Variants in SLIT3 observed in about 807,000 individuals in gnomAD.
SLIT3 encodes the protein slit guidance ligand 3, also known as slit homolog 3 protein.
Under a neutral mutation model 184.0 loss-of-function variants are expected in SLIT3, and 68 were observed. The observed-to-expected ratio is 0.37, with a 90% CI of 0.30 to 0.45. The LOEUF (loss-of-function observed/expected upper bound fraction) is 0.45. SLIT3 is among the 20% of genes least tolerant of loss of function. SLIT3 has a pLI of 1.00. For missense variants in SLIT3, 1,707 were observed against 2,026.0 expected (o/e 0.84, Z 3.02); for synonymous variants, 831 against 828.6 (o/e 1.00, Z -0.05).
At chr5:168,688,133 G>C (rs1439221711) in intron 29 of SLIT3, among the ~76,000 whole-genome samples, 2 of 152,232 alleles carry the variant, frequency 1.3e-5, no homozygotes, top group African/African-American at 4.8e-5. Context: ...GAGGGGCTGA[G>C]TCACAGAGGC....
In SLIT3 at chr5:168,740,205, A is replaced by T. The variant is rs909138277; in HGVS notation, c.2270+8097T>A. On this transcript the variant is annotated intron_variant, in intron 20 of 35. Transcript: ENST00000519560. ...AGAGGGCAACTGGTACTGTAGCCCT[A>T]CTTCAAAGAGCACTTGCAAGACTGA... 4.6e-5 allele frequency among the ~76,000 whole-genome samples: 7 copies of T among 152,308 alleles called. 1 individual carries two copies. The highest frequency in any genetic ancestry group is 1.7e-4 in the African/African-American group (7 of 41,574).
chr5:169,115,180 C>T (rs764702662), intron 4 of SLIT3, among the ~76,000 whole-genome samples: 10 of 152,180 alleles, frequency 6.6e-5, no homozygotes, highest in Non-Finnish European at 1.2e-4. Flanking sequence ...CCAAAACTTT[C>T]TCATCTCTGG....
chr5:168,874,565 G>A (rs1397574480), intron 5 of SLIT3, among the ~76,000 whole-genome samples: 2 of 152,170 alleles, frequency 1.3e-5, no homozygotes, highest in Admixed American at 1.3e-4. Context: ...AGGGAGGGGT[G>A]TTTTAGGAAA....
intron 6 of SLIT3, among the ~76,000 whole-genome samples, chr5:168,842,308 G>C (rs1875969): frequency 0.47 from 72,063 of 151,822 alleles, 17,693 homozygotes; most frequent in African/African-American, 0.58. Context: ...TTAAAACAAA[G>C]CTATTGATCT....
At chr5:169,180,070 A>C (rs1233918998) in intron 4 of SLIT3, among the ~76,000 whole-genome samples, 4 of 152,214 alleles carry the variant, frequency 2.6e-5, no homozygotes, top group Non-Finnish European at 5.9e-5. Context: ...ATCATCTTGT[A>C]GACAGTGACC....
At chr5:169,125,738 A>C (rs553372881) in intron 4 of SLIT3, among the ~76,000 whole-genome samples, 2 of 152,326 alleles carry the variant, frequency 1.3e-5, no homozygotes, top group South Asian at 4.1e-4. Context: ...GAGAGGGAGG[A>C]AAAGAACGTG....
intron 6 of SLIT3, among the ~76,000 whole-genome samples, chr5:168,835,661 A>G (rs907585459): frequency 6.6e-6 from 1 of 151,990 alleles, no homozygotes; most frequent in Non-Finnish European, 1.5e-5. Flanking sequence ...ATACAAAAAA[A>G]TTAGCCAGAC....
At chr5:168,929,227 C>T (rs2113155170) in intron 4 of SLIT3, among the ~76,000 whole-genome samples, 1 of 152,220 alleles carries the variant, frequency 6.6e-6, no homozygotes, top group South Asian at 2.1e-4. Context: ...AACCATTTTA[C>T]CCCCAAGTGT....
intron 4 of SLIT3, among the ~76,000 whole-genome samples, chr5:169,025,648 T>C (rs944824524): frequency 1.3e-5 from 2 of 152,200 alleles, no homozygotes; most frequent in Non-Finnish European, 2.9e-5. Flanking sequence ...TAACTCTCTT[T>C]TGTACAGAGA....
chr5:168,788,767 T>C (rs1214216344), intron 11 of SLIT3, among the ~76,000 whole-genome samples: 1 of 152,112 alleles, frequency 6.6e-6, no homozygotes, highest in African/African-American at 2.4e-5. Context: ...TGGTGAGGAC[T>C]AAACTTGACA....
At chr5:169,155,824 G>A (rs1484034325) in intron 4 of SLIT3, among the ~76,000 whole-genome samples, 1 of 152,186 alleles carries the variant, frequency 6.6e-6, no homozygotes, top group Non-Finnish European at 1.5e-5. Context: ...TGTGCACCCT[G>A]GTTAGAAGGA....
At chr5:168,834,924 G>C (rs1364865164) in intron 6 of SLIT3, among the ~76,000 whole-genome samples, 1 of 152,086 alleles carries the variant, frequency 6.6e-6, no homozygotes, top group Non-Finnish European at 1.5e-5. Context: ...TTCGCTCCCA[G>C]CTTGCACCGT....
At chr5:168,978,774 GTC>G (rs1229884655) in intron 4 of SLIT3, among the ~76,000 whole-genome samples, 1 of 152,178 alleles carries the variant, frequency 6.6e-6, no homozygotes. Context: ...CAGGTGATTA[GTC>G]TCTGTTAAGT....
At chr5:168,877,221 T>C (rs1299572942) in intron 5 of SLIT3, among the ~76,000 whole-genome samples, 2 of 151,860 alleles carry the variant, frequency 1.3e-5, no homozygotes, top group African/African-American at 4.8e-5. Context: ...TATGACTGGG[T>C]GATGGGATAG....
intron 1 of SLIT3, among the ~76,000 whole-genome samples, chr5:169,287,577 A>G (rs972083587): frequency 3.9e-5 from 6 of 152,104 alleles, no homozygotes; most frequent in African/African-American, 1.4e-4. Context: ...ATGGGTTGAG[A>G]TCAGTGGGGA....
At chr5:168,679,206 G>T (rs1034796519) in intron 32 of SLIT3, among the ~76,000 whole-genome samples, 1 of 152,102 alleles carries the variant, frequency 6.6e-6, no homozygotes, top group African/African-American at 2.4e-5. Flanking sequence ...CCATACATGT[G>T]CACTACTATG....
At chr5:168,907,979 T>TATAGAGAGAGAGAGAGAG (rs376418381) in intron 4 of SLIT3, among the ~76,000 whole-genome samples, 4 of 50,088 alleles carry the variant, frequency 8.0e-5, no homozygotes, top group African/African-American at 1.2e-4. Flanking sequence ...TATATATATA[T>TATAGAGAGAGAGAGAGAG]AGAGAGAGAG....
intron 4 of SLIT3, among the ~76,000 whole-genome samples, chr5:168,983,869 A>G (rs956354584): frequency 2.6e-5 from 4 of 152,134 alleles, no homozygotes; most frequent in Non-Finnish European, 5.9e-5. Context: ...TGACATTAAG[A>G]CATCATTACT....
At chr5:169,131,181 C>T (rs1001657710) in intron 4 of SLIT3, among the ~76,000 whole-genome samples, 3 of 152,198 alleles carry the variant, frequency 2.0e-5, no homozygotes, top group African/African-American at 4.8e-5. Flanking sequence ...TAGCTGTTAA[C>T]GAACACACAA....
Sources: allele counts gnomAD v4.1 joint callset (sites outside exome capture counted in the v4.1 genomes callset), GRCh38; gene constraint gnomAD v4.1.1; transcripts MANE v1.5; gene names NCBI Gene and HGNC (gene_info 2026-07-23, HGNC 2026-07-21).